Variants in SNX18 observed in about 807,000 individuals in gnomAD.
SNX18 encodes the protein sorting nexin 18, also known as sorting nexin-18.
In SNX18, 35 loss-of-function variants were observed where a neutral mutation model predicts 48.7. That is an observed-to-expected ratio of 0.72 (90% CI 0.55 to 0.95). The LOEUF (loss-of-function observed/expected upper bound fraction) is 0.95. Ranked by LOEUF, SNX18 falls within the 40% of genes least tolerant of loss-of-function variation. SNX18 has a pLI of 0.00. For synonymous variants in SNX18, 492 were observed against 384.7 expected (o/e 1.28, Z -3.26); for missense variants, 824 against 871.0 (o/e 0.95, Z 0.68).
chr5:54,526,102 A>G (rs1293576907), intron 1 of SNX18, among the ~76,000 whole-genome samples: 2 of 152,078 alleles, frequency 1.3e-5, no homozygotes, highest in African/African-American at 2.4e-5. Context: ...TACCAAAGAG[A>G]TAAATTATGA....
chr5:54,558,311 C>T, the SNX18 span, among the ~76,000 whole-genome samples: 1 of 152,204 alleles, frequency 6.6e-6, no homozygotes, highest in African/African-American at 2.4e-5. Flanking sequence ...CATTTACTGG[C>T]TTCTCCAGAT....
At chr5:54,646,309 C>T in the SNX18 span, among the ~76,000 whole-genome samples, 217 of 152,330 alleles carry the variant, frequency 1.4e-3, 2 homozygotes, top group Middle Eastern at 3.4e-3. Flanking sequence ...AAACACTCTG[C>T]TAGGGGCTGA....
At chr5:54,626,505 A>G in the SNX18 span, among the ~76,000 whole-genome samples, 1 of 152,234 alleles carries the variant, frequency 6.6e-6, no homozygotes, top group Non-Finnish European at 1.5e-5. Context: ...TTGTAACACC[A>G]GGTAGAGCAG....
chr5:54,569,395 C>T, the SNX18 span, among the ~76,000 whole-genome samples: 1 of 152,126 alleles, frequency 6.6e-6, no homozygotes, highest in Non-Finnish European at 1.5e-5. Flanking sequence ...CACACAAAAC[C>T]AACCTAAAAT....
chr5:54,631,650 T>G, the SNX18 span, among the ~76,000 whole-genome samples: 1 of 151,572 alleles, frequency 6.6e-6, no homozygotes, highest in Non-Finnish European at 1.5e-5. Context: ...ACTGGGAAGA[T>G]ATCATCATAT....
At chr5:54,635,917 T>C in the SNX18 span, among the ~76,000 whole-genome samples, 11 of 152,174 alleles carry the variant, frequency 7.2e-5, no homozygotes, top group Non-Finnish European at 1.6e-4. Flanking sequence ...ACCTAGAGCA[T>C]CATGTGCAGT....
chr5:54,565,982 C>T, the SNX18 span, among the ~76,000 whole-genome samples: 1 of 152,188 alleles, frequency 6.6e-6, no homozygotes, highest in Non-Finnish European at 1.5e-5. Flanking sequence ...AAAAGCCTGG[C>T]AGACTGTCTT....
the SNX18 span, among the ~76,000 whole-genome samples, chr5:54,623,793 G>A: frequency 6.6e-6 from 1 of 152,088 alleles, no homozygotes; most frequent in Non-Finnish European, 1.5e-5. Context: ...ATTTTTGAAG[G>A]GAGAAATATG....
Position 54,518,431 on chromosome 5 carries a change from A to C in SNX18, c.479A>C (p.Asp160Ala). 6.3e-7 allele frequency: 1 copy of C among 1,580,904 alleles called. No homozygotes were observed. Among genetic ancestry groups the C allele is most frequent in the East Asian group, 2.3e-5 (1 of 42,628 alleles). The change falls in exon 1 of 2, where the codon GAC becomes GCC. Residue 160 changes from aspartate (D) to alanine (A), a missense_variant. Coordinates refer to ENST00000381410, the MANE Select transcript of SNX18 (RefSeq NM_001102575.2). Reference sequence around the variant, plus strand: ...GATGACTGGGACGACGAGTGGGACGACAGCTCCACGGTGGCGGACGAGCCG... The same window carrying C: ...GATGACTGGGACGACGAGTGGGACGCCAGCTCCACGGTGGCGGACGAGCCG... ...SDDDWDDEWD[D>A]SSTVADEPGA... is the part of the protein sequence containing the mutation.
the SNX18 span, among the ~76,000 whole-genome samples, chr5:54,620,473 C>T: frequency 2.0e-5 from 3 of 152,196 alleles, no homozygotes; most frequent in Admixed American, 6.5e-5. Context: ...TTTCTCTGCA[C>T]GGCCTCCCAC....
intron 1 of SNX18, among the ~76,000 whole-genome samples, chr5:54,542,620 A>G (rs1762492715): frequency 6.6e-6 from 1 of 152,222 alleles, no homozygotes; most frequent in South Asian, 2.1e-4. Flanking sequence ...TAGACTGGCA[A>G]CATTGCCAAG....
intron 1 of SNX18, among the ~76,000 whole-genome samples, chr5:54,542,475 G>C (rs1762489779): frequency 6.6e-6 from 1 of 152,252 alleles, no homozygotes; most frequent in Non-Finnish European, 1.5e-5. Flanking sequence ...GCAACGTGAA[G>C]TCAGAATCAG....
the SNX18 span, among the ~76,000 whole-genome samples, chr5:54,558,237 A>T: frequency 6.6e-6 from 1 of 152,216 alleles, no homozygotes; most frequent in Non-Finnish European, 1.5e-5. Flanking sequence ...TTAAAGTAGA[A>T]ATACCCATAT....
chr5:54,596,263 A>T, the SNX18 span, among the ~76,000 whole-genome samples: 166 of 152,314 alleles, frequency 1.1e-3, 2 homozygotes, highest in African/African-American at 3.8e-3. Context: ...ATTGTATAAT[A>T]TAACACAAAT....
At chr5:54,612,814 A>T in the SNX18 span, among the ~76,000 whole-genome samples, 1 of 152,122 alleles carries the variant, frequency 6.6e-6, no homozygotes, top group Non-Finnish European at 1.5e-5. Context: ...CAGTGACAGG[A>T]GGCAATCTGT....
At chr5:54,640,644 A>G in the SNX18 span, among the ~76,000 whole-genome samples, 2 of 152,176 alleles carry the variant, frequency 1.3e-5, no homozygotes, top group Non-Finnish European at 2.9e-5. Flanking sequence ...CCTCTCTTTG[A>G]CCATCATAAT....
At chr5:54,620,847 T>C in the SNX18 span, among the ~76,000 whole-genome samples, 1 of 152,144 alleles carries the variant, frequency 6.6e-6, no homozygotes, top group Non-Finnish European at 1.5e-5. Context: ...TCCTCACATG[T>C]TTTTCTTCTC....
chr5:54,586,660 G>A, the SNX18 span, among the ~76,000 whole-genome samples: 7,869 of 152,228 alleles, frequency 0.052, 266 homozygotes, highest in Non-Finnish European at 0.081. Context: ...TCATGAGCGC[G>A]GAGCCCTTAT....
chr5:54,576,809 G>A, the SNX18 span, among the ~76,000 whole-genome samples: 1 of 151,952 alleles, frequency 6.6e-6, no homozygotes, highest in African/African-American at 2.4e-5. Flanking sequence ...TTGCTTGCTT[G>A]TTTGTCTTTT....
Sources: allele counts gnomAD v4.1 joint callset (sites outside exome capture counted in the v4.1 genomes callset), GRCh38; gene constraint gnomAD v4.1.1; transcripts MANE v1.5; gene names NCBI Gene and HGNC (gene_info 2026-07-23, HGNC 2026-07-21).